Variants in GRIP1 observed in about 807,000 individuals in gnomAD.
GRIP1 encodes glutamate receptor interacting protein 1.
A neutral mutation model predicts 129.9 loss-of-function variants in GRIP1; 45 were observed. That is an observed-to-expected ratio of 0.35 (90% CI 0.27 to 0.44). The LOEUF (loss-of-function observed/expected upper bound fraction) is 0.44. Ranked by LOEUF, GRIP1 falls within the 20% of genes least tolerant of loss-of-function variation. The pLI, the probability that GRIP1 is intolerant of heterozygous loss-of-function variation, is 1.00. For missense variants in GRIP1, 1,196 were observed against 1,396.8 expected (o/e 0.86, Z 2.29); for synonymous variants, 530 against 520.8 (o/e 1.02, Z -0.24).
chr12:66,576,962 T>C (rs986510395), intron 2 of GRIP1, among the ~76,000 whole-genome samples: 1 of 152,200 alleles, frequency 6.6e-6, no homozygotes, highest in Non-Finnish European at 1.5e-5. Flanking sequence ...GCGTTGAGTA[T>C]TACATCCAGA....
At chr12:66,703,992 G>A (rs1308786451) in intron 1 of GRIP1, among the ~76,000 whole-genome samples, 2 of 151,918 alleles carry the variant, frequency 1.3e-5, no homozygotes. Flanking sequence ...AAGTGACAAA[G>A]GTATGAGAAG....
chr12:66,952,701 A>G (rs2041777373), intron 1 of GRIP1, among the ~76,000 whole-genome samples: 1 of 152,174 alleles, frequency 6.6e-6, no homozygotes, highest in Admixed American at 6.5e-5. Flanking sequence ...TAGAGTTCAA[A>G]TTTCTATGAC....
At chr12:66,891,150 A>G (rs7137844) in intron 1 of GRIP1, among the ~76,000 whole-genome samples, 3,828 of 152,328 alleles carry the variant, frequency 0.025, 77 homozygotes, top group Middle Eastern at 0.058. Flanking sequence ...TAAAGCTTTT[A>G]TATTTTTTTC....
intron 1 of GRIP1, among the ~76,000 whole-genome samples, chr12:66,860,425 A>C (rs17247255): frequency 0.01 from 1,561 of 152,224 alleles, 77 homozygotes; most frequent in East Asian, 0.081. Context: ...GTGTTGAGAC[A>C]ATAATCCGAT....
intron 1 of GRIP1, among the ~76,000 whole-genome samples, chr12:67,048,249 G>C (rs559242811): frequency 2.6e-5 from 4 of 151,486 alleles, no homozygotes; most frequent in Admixed American, 2.6e-4. Flanking sequence ...ACACACAAAC[G>C]TGACAAGATT....
chr12:66,452,004 C>T (rs2058821522), intron 11 of GRIP1, among the ~76,000 whole-genome samples: 1 of 152,198 alleles, frequency 6.6e-6, no homozygotes, highest in Admixed American at 6.5e-5. Flanking sequence ...TTCAATGGCA[C>T]TCTCTCTAAT....
chr12:66,783,804 G>T (rs2038233594), intron 1 of GRIP1, among the ~76,000 whole-genome samples: 1 of 151,966 alleles, frequency 6.6e-6, no homozygotes, highest in Non-Finnish European at 1.5e-5. Flanking sequence ...AGTTCAATAT[G>T]AAAAAATTCA....
chr12:66,974,215 C>T (rs1288933328), intron 1 of GRIP1, among the ~76,000 whole-genome samples: 2 of 152,056 alleles, frequency 1.3e-5, no homozygotes, highest in African/African-American at 2.4e-5. Context: ...TGAGCCACCG[C>T]ACCTGGCCTG....
chr12:66,988,111 A>C (rs192627596), intron 1 of GRIP1, among the ~76,000 whole-genome samples: 1 of 152,204 alleles, frequency 6.6e-6, no homozygotes, highest in Non-Finnish European at 1.5e-5. Flanking sequence ...TCTAGTAGCA[A>C]ATTCTTCAAA....
chr12:66,579,028 A>G (rs1413198574), intron 2 of GRIP1, among the ~76,000 whole-genome samples: 1 of 152,170 alleles, frequency 6.6e-6, no homozygotes, highest in African/African-American at 2.4e-5. Flanking sequence ...GCAGACTGAC[A>G]CCTAACACAG....
At chr12:66,876,313 A>G (rs558525554) in intron 1 of GRIP1, among the ~76,000 whole-genome samples, 42 of 152,084 alleles carry the variant, frequency 2.8e-4, no homozygotes, top group African/African-American at 1.0e-3. Context: ...GCTCTCCTCT[A>G]AAAAATGCTT....
At chr12:66,848,581 T>C (rs2039858886) in intron 1 of GRIP1, among the ~76,000 whole-genome samples, 2 of 151,998 alleles carry the variant, frequency 1.3e-5, no homozygotes, top group African/African-American at 4.8e-5. Flanking sequence ...CTGGGAGAAA[T>C]AATATCTAAA....
chr12:66,564,219 T>C (rs1029996324), intron 2 of GRIP1: 1 of 151,912 alleles, frequency 6.6e-6, no homozygotes, highest in Non-Finnish European at 1.5e-5. Context: ...GCTGGTGTGC[T>C]GCACCCATTA....
chr12:66,695,056 C>A (rs188203052), intron 1 of GRIP1, among the ~76,000 whole-genome samples: 5 of 152,330 alleles, frequency 3.3e-5, no homozygotes, highest in Admixed American at 3.3e-4. Flanking sequence ...TTTATTCCCA[C>A]TTCCAAATCA....
At chr12:66,445,170 A>C (rs1243413957) in intron 12 of GRIP1, 152 bp downstream of exon 12, 5 of 737,064 alleles carry the variant, frequency 6.8e-6, no homozygotes, top group Non-Finnish European at 1.2e-5. Context: ...TTCAAACCTG[A>C]TCAAGAACAT....
At chr12:66,886,033 T>C (rs191671271) in intron 1 of GRIP1, among the ~76,000 whole-genome samples, 103 of 152,232 alleles carry the variant, frequency 6.8e-4, no homozygotes, top group Admixed American at 3.6e-3. Flanking sequence ...GAAACCAAGT[T>C]GGGTGGATCA....
intron 1 of GRIP1, among the ~76,000 whole-genome samples, chr12:66,882,917 A>G (rs2040504444): frequency 1.3e-5 from 2 of 152,100 alleles, no homozygotes; most frequent in South Asian, 4.1e-4. Flanking sequence ...AAGGTTCATA[A>G]CCAAAGAGAC....
At chr12:66,752,033 T>C (rs1478312224) in intron 1 of GRIP1, among the ~76,000 whole-genome samples, 3 of 152,148 alleles carry the variant, frequency 2.0e-5, no homozygotes, top group Non-Finnish European at 2.9e-5. Flanking sequence ...GAGAGAATAC[T>C]AGATTATCAT....
chr12:66,522,435 G>A (rs138872729), intron 5 of GRIP1, among the ~76,000 whole-genome samples: 1,854 of 152,274 alleles, frequency 0.012, 42 homozygotes, highest in East Asian at 0.1. Flanking sequence ...GGTTTGGAGC[G>A]GACCTCTAGC....
Sources: allele counts gnomAD v4.1 joint callset (sites outside exome capture counted in the v4.1 genomes callset), GRCh38; gene constraint gnomAD v4.1.1; transcripts MANE v1.5; gene names NCBI Gene and HGNC (gene_info 2026-07-23, HGNC 2026-07-21).